Variants in CNBD1 observed in about 807,000 individuals in gnomAD.
The protein encoded by CNBD1 is cyclic nucleotide binding domain containing 1.
CNBD1 carries 71 observed loss-of-function variants against 54.4 expected under a neutral mutation model. That is an observed-to-expected ratio of 1.30 (90% CI 1.08 to 1.59). The LOEUF (loss-of-function observed/expected upper bound fraction) is 1.59, where lower values mean the gene tolerates loss of function less well. CNBD1 is among the 40% of genes most tolerant of loss of function. CNBD1 has a pLI of 0.00. For missense variants in CNBD1, 659 were observed against 518.0 expected (o/e 1.27, Z -2.64); for synonymous variants, 182 against 170.7 (o/e 1.07, Z -0.51).
intron 10 of CNBD1, among the ~76,000 whole-genome samples, chr8:87,380,901 G>A (rs528943894): frequency 2.6e-5 from 4 of 152,128 alleles, no homozygotes; most frequent in South Asian, 4.1e-4. Flanking sequence ...ACTAAAAATG[G>A]ATTAAAGACA....
At chr8:87,017,519 T>C (rs1809385903) in intron 4 of CNBD1, among the ~76,000 whole-genome samples, 1 of 152,182 alleles carries the variant, frequency 6.6e-6, no homozygotes, top group South Asian at 2.1e-4. Flanking sequence ...GGAAGTAATG[T>C]TTCCCAAAAA....
chr8:87,329,038 G>A (rs1232676755), intron 8 of CNBD1, among the ~76,000 whole-genome samples: 1 of 138,008 alleles, frequency 7.2e-6, no homozygotes, highest in South Asian at 2.2e-4. Context: ...TTTTCTCCTA[G>A]GAGTTTTATT....
rs1807777264 is a variant in CNBD1 at position 87,245,055 on chromosome 8, G to A, written c.771+7943G>A. Among the ~76,000 whole-genome samples, 6 of 152,088 alleles carry A rather than the reference G, an allele frequency of 3.9e-5. No individual in the cohort carries two copies. In the South Asian group the frequency reaches 1.2e-3, roughly 32 times the overall value. On this transcript the variant is annotated intron_variant, in intron 6 of 10. Coordinates refer to ENST00000518476, the MANE Select transcript of CNBD1 (RefSeq NM_173538.3). ...ATATTTTTACTATAATAATGGAATT[G>A]GAACTTAACATCTAATTGTCTCTCC...
Position 87,406,480 on chromosome 8 carries a change from T to C in CNBD1, c.214-22066T>C, listed in dbSNP as rs1249502703. Among the ~76,000 whole-genome samples, 399 of 88,246 alleles carry C rather than the reference T, an allele frequency of 4.5e-3. 2 individuals are homozygous for C. Among genetic ancestry groups the C allele is most frequent in the African/African-American group, 0.029 (365 of 12,558 alleles). 57.9% of individuals were successfully genotyped at this position (88,246 alleles called of 152,430 possible). A position where few individuals can be genotyped will look rare whatever the true frequency, so the allele number is the denominator to read the frequency against. ...CACACACACACACACACACACACAC[T>C]TTTTTTTTTTTTTTTTTGAGACAGA... On this transcript the variant is annotated intron_variant, in intron 2 of 7. Coordinates refer to the CNBD1 transcript ENST00000521593.
intron 5 of CNBD1, among the ~76,000 whole-genome samples, chr8:87,224,469 A>T (rs974773547): frequency 4.0e-5 from 6 of 151,078 alleles, no homozygotes; most frequent in Admixed American, 2.0e-4. Flanking sequence ...ATGGCTAGCC[A>T]GTTTTCCCAG....
At chr8:87,228,618 G>C (rs1345346124) in intron 5 of CNBD1, among the ~76,000 whole-genome samples, 2 of 151,378 alleles carry the variant, frequency 1.3e-5, no homozygotes, top group African/African-American at 4.9e-5. Context: ...CCAGCTGCGT[G>C]CTGGGAGAAC....
At chr8:87,355,559 A>G (rs895437764) in intron 10 of CNBD1, among the ~76,000 whole-genome samples, 3 of 152,184 alleles carry the variant, frequency 2.0e-5, no homozygotes, top group Admixed American at 1.3e-4. Context: ...ATTGAGTATG[A>G]AGGAGAAATG....
At chr8:87,399,823 A>C (rs1246260577) in intron 2 of CNBD1, among the ~76,000 whole-genome samples, 2 of 151,970 alleles carry the variant, frequency 1.3e-5, no homozygotes, top group Non-Finnish European at 2.9e-5. Flanking sequence ...AAGTATTTCA[A>C]TGTTTTAACT....
In CNBD1 at chr8:87,233,143, G is replaced by A. The variant is rs932177537; in HGVS notation, c.578-3776G>A. ...CAATGAATAATTGACAAAATAATAC[G>A]TTTAAAATACATGTAGATAACTTAG... On this transcript the variant is annotated intron_variant, in intron 5 of 10. Transcript: ENST00000518476. 3.3e-5 allele frequency among the ~76,000 whole-genome samples: 5 copies of A among 152,022 alleles called. 1 individual carries two copies. The South Asian group carries it at 6.2e-4, about 19-fold the overall frequency.
chr8:87,381,271 G>T (rs908328579), intron 10 of CNBD1, among the ~76,000 whole-genome samples: 2 of 152,052 alleles, frequency 1.3e-5, no homozygotes, highest in African/African-American at 2.4e-5. Context: ...TGGCCAGCAT[G>T]TGTATTTTTA....
chr8:87,389,432 T>C (rs1811262541), intron 2 of CNBD1, among the ~76,000 whole-genome samples: 1 of 152,050 alleles, frequency 6.6e-6, no homozygotes, highest in Admixed American at 6.6e-5. Flanking sequence ...TGTGCAAAAA[T>C]CACAAGCATT....
In CNBD1 at chr8:87,005,369, C is replaced by CA. The variant is rs923497862; in HGVS notation, c.431+65627dup. ...TGGGCAACAGAGCGAGACTCCGTCT[C>CA]AAAAAAAAAAAAGTCTCAGGTCACC... On this transcript the variant is annotated intron_variant, in intron 4 of 10. Transcript: ENST00000518476. 6.7e-3 allele frequency among the ~76,000 whole-genome samples: 839 copies of CA among 125,496 alleles called. 8 individuals are homozygous for CA. The highest frequency in any genetic ancestry group is 0.021 in the African/African-American group (721 of 33,898). 82.3% of individuals were successfully genotyped at this position (125,496 alleles called of 152,430 possible).
chr8:86,978,236 C>T (rs1226119348), intron 4 of CNBD1, among the ~76,000 whole-genome samples: 1 of 151,942 alleles, frequency 6.6e-6, no homozygotes, highest in Non-Finnish European at 1.5e-5. Context: ...AACTTCAAAC[C>T]ATTAATCTCG....
chr8:87,118,314 CAAAAAAAAAAAA>C, intron 4 of CNBD1, among the ~76,000 whole-genome samples: 1 of 109,156 alleles, frequency 9.2e-6, no homozygotes, highest in Admixed American at 1.1e-4. Flanking sequence ...GACTCTGTCT[CAAAAAAAAAAAA>C]AAAAAAAAAA....
chr8:87,348,580 C>A (rs1322158530), intron 8 of CNBD1, among the ~76,000 whole-genome samples: 1 of 152,144 alleles, frequency 6.6e-6, no homozygotes, highest in Non-Finnish European at 1.5e-5. Context: ...GGATGTCGTG[C>A]TCAAAGTTGC....
chr8:86,900,029 G>A (rs955830466), intron 2 of CNBD1, among the ~76,000 whole-genome samples: 1 of 152,046 alleles, frequency 6.6e-6, no homozygotes, highest in Non-Finnish European at 1.5e-5. Context: ...TTCTTGCAAT[G>A]TGGTGGGCCT....
At chr8:86,975,141 T>C (rs1276588566) in intron 4 of CNBD1, among the ~76,000 whole-genome samples, 1 of 152,078 alleles carries the variant, frequency 6.6e-6, no homozygotes, top group East Asian at 1.9e-4. Flanking sequence ...TTGTATTTTG[T>C]ATGGCTTACA....
intron 3 of CNBD1, among the ~76,000 whole-genome samples, chr8:86,920,001 T>C (rs923552350): frequency 6.6e-6 from 1 of 151,934 alleles, no homozygotes; most frequent in South Asian, 2.1e-4. Flanking sequence ...TCTTTTTCTT[T>C]CAGAATGTGA....
chr8:87,318,498 A>G (rs1357436837), intron 8 of CNBD1, among the ~76,000 whole-genome samples: 4 of 152,098 alleles, frequency 2.6e-5, no homozygotes, highest in Admixed American at 6.6e-5. Flanking sequence ...TACGTTTTGA[A>G]GGAGCCCCTG....
Sources: gnomAD v4.1 joint callset for allele counts (sites outside exome capture counted in the v4.1 genomes callset) on GRCh38, gnomAD v4.1.1 for gene constraint, MANE v1.5 for transcripts, NCBI Gene and HGNC (gene_info 2026-07-23, HGNC 2026-07-21) for gene names.